The following TGS1 variants were observed in gnomAD, a reference collection of about 807,000 sequenced individuals.
TGS1 encodes trimethylguanosine synthase 1.
TGS1 carries 69 observed loss-of-function variants against 92.2 expected under a neutral mutation model. The ratio of observed to expected loss-of-function variants is 0.75; its 90% CI spans 0.62 to 0.91. The LOEUF (loss-of-function observed/expected upper bound fraction) is 0.91. Among genes scored for constraint, TGS1 ranks in the 40% least tolerant of loss-of-function variants. TGS1 has a pLI of 0.00. For missense variants in TGS1, 1,062 were observed against 1,001.2 expected (o/e 1.06, Z -0.82); for synonymous variants, 345 against 338.1 (o/e 1.02, Z -0.22).
intron 12 of TGS1, among the ~76,000 whole-genome samples, chr8:55,823,999 C>G (rs200547305): frequency 1.3e-5 from 2 of 152,028 alleles, no homozygotes; most frequent in East Asian, 3.9e-4. Context: ...GCCTGTAATT[C>G]CAGATGCTCA....
intron 8 of TGS1, 101 bp downstream of exon 8, chr8:55,799,321 G>A (rs1394919555): frequency 1.8e-6 from 2 of 1,116,354 alleles, no homozygotes; most frequent in Non-Finnish European, 2.5e-6. Context: ...CTGTACCTAA[G>A]GAGTCACTGC....
intron 2 of TGS1, among the ~76,000 whole-genome samples, chr8:55,784,168 A>T (rs1043063610): frequency 2.0e-5 from 3 of 152,154 alleles, no homozygotes; most frequent in Admixed American, 6.5e-5. Context: ...ACATAAAATG[A>T]TTTTTTGTTA....
intron 4 of TGS1, among the ~76,000 whole-genome samples, chr8:55,788,454 C>CTTTTTTTTT (rs71256568): frequency 1.1e-5 from 1 of 91,100 alleles, no homozygotes; most frequent in Non-Finnish European, 2.1e-5. Context: ...CATTTTCATC[C>CTTTTTTTTT]TTTTTTTTTT....
chr8:55,822,079 T>TC (rs1157315804), intron 12 of TGS1, among the ~76,000 whole-genome samples: 9 of 151,174 alleles, frequency 6.0e-5, no homozygotes, highest in African/African-American at 1.2e-4. Flanking sequence ...TTTCTTTCTT[T>TC]TTTTTTTTGA....
chr8:55,779,163 T>C lies in TGS1; in HGVS notation c.102-3585T>C, dbSNP rs185365811. Among the ~76,000 whole-genome samples, 6 of 152,310 alleles carry C rather than the reference T, an allele frequency of 3.9e-5. No individual in the cohort carries two copies. In the East Asian group the frequency reaches 1.2e-3, roughly 29 times the overall value. The stretch of plus-strand genomic sequence containing the variant: ...GTGGATTAAGGTACACTAATCAAAC[T>C]CAAAGACAGCTTTATAGAGACTACT... On this transcript the variant is annotated intron_variant, in intron 1 of 12. Transcript: ENST00000260129.
chr8:55,785,644 GT>G, intron 2 of TGS1, 74 bp from the exon 3 acceptor site: 1 of 1,179,776 alleles, frequency 8.5e-7, no homozygotes, highest in Non-Finnish European at 1.2e-6. Context: ...TGGATCTCAG[GT>G]TTTTTTAAAT....
chr8:55,793,177 T>C (rs1811931181), intron 6 of TGS1, among the ~76,000 whole-genome samples: 1 of 152,218 alleles, frequency 6.6e-6, no homozygotes, highest in Non-Finnish European at 1.5e-5. Context: ...CAATAACCTC[T>C]TTTTCTATTA....
At chr8:55,808,511 CTTTTT>C (rs59912731) in intron 10 of TGS1, among the ~76,000 whole-genome samples, 1 of 117,934 alleles carries the variant, frequency 8.5e-6, no homozygotes. Context: ...TTCTTTTTTT[CTTTTT>C]TTTTTTTTTT....
chr8:55,773,706 AG>A lies in TGS1; in HGVS notation c.91del (p.Ala31HisfsTer13). On this transcript the variant is annotated frameshift_variant, in exon 1 of 13. Transcript: ENST00000260129. LOFTEE classifies it high-confidence loss of function. ...EDCKILCLCS[R>X]AFVEDRKLYN... ...TTGTAAGATACTGTGCCTTTGCTCC[AG>A]GGCATTTGTGGAGTAAGTAGAAAAG... The A allele has an allele frequency of 2.5e-6, 4 of 1,610,232 alleles. No homozygotes were observed. The highest frequency in any genetic ancestry group is 3.4e-6 in the Non-Finnish European group (4 of 1,178,320).
chr8:55,795,931 T>G, intron 6 of TGS1, 47 bp from the exon 7 acceptor site: 5 of 1,419,820 alleles, frequency 3.5e-6, no homozygotes, highest in Non-Finnish European at 4.9e-6. Context: ...TAAGGAAATA[T>G]AATCCTAGAA....
chr8:55,815,396 C>T (rs889148086), intron 12 of TGS1, among the ~76,000 whole-genome samples: 5 of 151,910 alleles, frequency 3.3e-5, no homozygotes, highest in African/African-American at 1.2e-4. Context: ...GAAAATGTAT[C>T]CGTATGTAGG....
At chr8:55,783,996 C>A (rs1170031653) in intron 2 of TGS1, among the ~76,000 whole-genome samples, 1 of 151,984 alleles carries the variant, frequency 6.6e-6, no homozygotes. Context: ...GAGTGGAATC[C>A]CCTTCATTAT....
intron 1 of TGS1, among the ~76,000 whole-genome samples, chr8:55,778,599 TC>T (rs1563448647): frequency 6.6e-6 from 1 of 152,142 alleles, no homozygotes; most frequent in East Asian, 1.9e-4. Flanking sequence ...TGATATGTTT[TC>T]CCCCCAACAG....
intron 1 of TGS1, among the ~76,000 whole-genome samples, chr8:55,776,636 G>C (rs1246126142): frequency 6.6e-6 from 1 of 152,150 alleles, no homozygotes; most frequent in African/African-American, 2.4e-5. Flanking sequence ...TAACTACCAG[G>C]CCCAGGGTGT....
intron 10 of TGS1, among the ~76,000 whole-genome samples, chr8:55,808,957 T>C (rs747752528): frequency 3.9e-5 from 6 of 152,212 alleles, no homozygotes; most frequent in African/African-American, 7.2e-5. Context: ...ACAGTTAAAG[T>C]ATAATTGACT....
intron 8 of TGS1, among the ~76,000 whole-genome samples, chr8:55,801,428 G>A (rs1468734619): frequency 2.7e-5 from 4 of 148,590 alleles, no homozygotes; most frequent in Non-Finnish European, 5.9e-5. Flanking sequence ...CTGCCACCGT[G>A]CCCAGCTAAT....
chr8:55,782,586 T>C (rs946087021), intron 1 of TGS1, among the ~76,000 whole-genome samples, 162 bp from the exon 2 acceptor site: 4 of 152,242 alleles, frequency 2.6e-5, no homozygotes, highest in Admixed American at 1.3e-4. Flanking sequence ...CCATGACAAA[T>C]GTATTATTGC....
chr8:55,782,570 A>G (rs1811596622), intron 1 of TGS1, among the ~76,000 whole-genome samples, 178 bp from the exon 2 acceptor site: 1 of 152,226 alleles, frequency 6.6e-6, no homozygotes. Flanking sequence ...AGTCCTTACA[A>G]CAACTCCATG....
At chr8:55,777,894 T>A (rs1811444333) in intron 1 of TGS1, among the ~76,000 whole-genome samples, 1 of 90,584 alleles carries the variant, frequency 1.1e-5, no homozygotes, top group South Asian at 3.8e-4. Flanking sequence ...AATGTCAGAA[T>A]AATTTAAATT....
Sources: gnomAD v4.1 joint callset for allele counts (sites outside exome capture counted in the v4.1 genomes callset) on GRCh38, gnomAD v4.1.1 for gene constraint, MANE v1.5 for transcripts, NCBI Gene and HGNC (gene_info 2026-07-23, HGNC 2026-07-21) for gene names.